Variants in SPDEF observed in about 807,000 individuals in gnomAD.
SPDEF encodes SAM pointed domain-containing Ets transcription factor.
A neutral mutation model predicts 36.0 loss-of-function variants in SPDEF; 12 were observed. The ratio of observed to expected loss-of-function variants is 0.33; its 90% CI spans 0.21 to 0.54. The LOEUF is 0.54. Ranked by LOEUF, SPDEF falls within the 20% of genes least tolerant of loss-of-function variation. The probability of loss-of-function intolerance (pLI) is 0.93; values close to 1 mark genes in which losing one functional copy is unlikely to be tolerated. For synonymous variants in SPDEF, 205 were observed against 193.0 expected (o/e 1.06, Z -0.51); for missense variants, 388 against 456.9 (o/e 0.85, Z 1.37).
Position 34,539,196 on chromosome 6 carries a change from C to T in SPDEF, c.829+54G>A. On this transcript the variant is annotated intron_variant, in intron 5 of 5. Transcript: ENST00000374037. The surrounding 1 kb of genome is among the most constrained non-coding windows in gnomAD (Gnocchi z 5.2). The stretch of plus-strand genomic sequence containing the variant: ...CCATGCACCGTGCCTGGCAGAAGCC[C>T]CCACAACCTCCATGCTCACTGGCCC... 2 of 1,599,552 alleles carry T rather than the reference C, an allele frequency of 1.3e-6. No individual in the cohort carries two copies. The highest frequency in any genetic ancestry group is 1.7e-6 in the Non-Finnish European group (2 of 1,172,034).
At position 34,539,479 on chromosome 6, in the gene SPDEF, G is replaced by A. The variant is rs754731900; in HGVS notation, c.682+36C>T. The A allele has an allele frequency of 1.9e-5, 27 of 1,431,444 alleles. No individual in the cohort carries two copies. The highest frequency in any genetic ancestry group is 7.1e-5 in the South Asian group (6 of 84,460). The allele number at this position is 1,431,444 out of a possible 1,614,324, so 88.7% of individuals were successfully genotyped here. On this transcript the variant is annotated intron_variant, in intron 4 of 5. Transcript: ENST00000374037. The surrounding 1 kb of genome is among the most constrained non-coding windows in gnomAD (Gnocchi z 5.2). ...TGGCAGCCACCCCTCCACCCCACCCGAGCCCCCGCCTCCACCCTGCCGCTG... is the reference window on the plus strand; with the variant it reads ...TGGCAGCCACCCCTCCACCCCACCCAAGCCCCCGCCTCCACCCTGCCGCTG...
At chr6:34,542,363 A>G (rs1767840640) in intron 2 of SPDEF, among the ~76,000 whole-genome samples, 3 of 152,228 alleles carry the variant, frequency 2.0e-5, no homozygotes, top group African/African-American at 4.8e-5. Flanking sequence ...CCCGCCACCC[A>G]CAGCATCAGC....
intron 1 of SPDEF, among the ~76,000 whole-genome samples, chr6:34,551,737 GCA>G (rs1768065928): frequency 1.3e-5 from 2 of 152,144 alleles, no homozygotes; most frequent in African/African-American, 4.8e-5. Context: ...TTCTGAAGAA[GCA>G]GAGCCAGCTT....
chr6:34,551,871 G>A (rs1768068771), intron 1 of SPDEF, among the ~76,000 whole-genome samples: 1 of 152,176 alleles, frequency 6.6e-6, no homozygotes, highest in South Asian at 2.1e-4. Flanking sequence ...CTTGCAGTGA[G>A]TCATGCTGAC....
chr6:34,540,336 G>T (rs1767789888), intron 3 of SPDEF, among the ~76,000 whole-genome samples: 1 of 151,840 alleles, frequency 6.6e-6, no homozygotes, highest in Non-Finnish European at 1.5e-5. Flanking sequence ...GGGCCACTGT[G>T]GACACGGACA....
intron 1 of SPDEF, among the ~76,000 whole-genome samples, chr6:34,546,110 A>G (rs528563210): frequency 1.7e-4 from 26 of 152,332 alleles, no homozygotes; most frequent in African/African-American, 6.3e-4. Flanking sequence ...GTGGTTCTCC[A>G]AATGTGCCGT....
chr6:34,543,958 C>G, intron 2 of SPDEF, 62 bp downstream of exon 2: 1 of 1,548,070 alleles, frequency 6.5e-7, no homozygotes, highest in South Asian at 1.2e-5. Flanking sequence ...CCGACCCACC[C>G]CAGCGACCTC....
intron 1 of SPDEF, among the ~76,000 whole-genome samples, chr6:34,553,757 G>A (rs1233032002): frequency 6.6e-6 from 1 of 152,040 alleles, no homozygotes; most frequent in Non-Finnish European, 1.5e-5. Flanking sequence ...GAGTGGGCGA[G>A]AGAGTGGAGT....
intron 2 of SPDEF, among the ~76,000 whole-genome samples, chr6:34,541,441 CA>C (rs1767821462): frequency 6.6e-6 from 1 of 152,192 alleles, no homozygotes; most frequent in Admixed American, 6.5e-5. Flanking sequence ...CCGCCTCACC[CA>C]GGCCTTGGGT....
In SPDEF at chr6:34,539,395, G is replaced by C. The variant is rs368064439; in HGVS notation, c.684C>G (p.Ala228=). Residue 228 remains alanine (A), a splice_region_variant and synonymous_variant, in exon 5 of 6, where the codon GCC becomes GCG. Transcript: ENST00000374037. This position sits in a 1 kb window ranked among gnomAD's most constrained non-coding sequence, Gnocchi z 5.2. ...CGGTCCAGCTCTCCTCACTGGTCGA[G>C]GCTGGGTGGCCAGGGAGGGTGGCGG... ...RTSPGAIHYC[A]STSEESWTDS... is the part of the protein sequence containing the mutation. The C allele has an allele frequency of 1.6e-5, 26 of 1,613,462 alleles. No individual in the cohort carries two copies. The highest frequency in any genetic ancestry group is 8.5e-6 in the Non-Finnish European group (10 of 1,179,998).
Position 34,555,103 on chromosome 6 carries a change from C to A in SPDEF, c.-30+826G>T, listed in dbSNP as rs895847833. Among the ~76,000 whole-genome samples, 2 of 151,422 alleles carry A rather than the reference C, an allele frequency of 1.3e-5. No homozygotes were observed. Among genetic ancestry groups the A allele is most frequent in the Non-Finnish European group, 3.0e-5 (2 of 67,784 alleles). On this transcript the variant is annotated intron_variant, in intron 1 of 5. Coordinates refer to ENST00000374037, the MANE Select transcript of SPDEF (RefSeq NM_012391.3). The surrounding 1 kb of genome is among the most constrained non-coding windows in gnomAD (Gnocchi z 5.2). The stretch of plus-strand genomic sequence containing the variant: ...AACACGCACGCGCACATGCACACAC[C>A]ACACACACACATACTTCCGCGCACA...
rs1028395204 is a variant in SPDEF at position 34,552,423 on chromosome 6, C to T, written c.-30+3506G>A. On this transcript the variant is annotated intron_variant, in intron 1 of 5. Transcript: ENST00000374037. The surrounding 1 kb of genome is among the most constrained non-coding windows in gnomAD (Gnocchi z 4.6). ...GCAGTGAAACAGGGACTCATAAAGA[C>T]AGCTGTGTGTCTGGATTTTGAAGTC... Among the ~76,000 whole-genome samples the T allele has an allele frequency of 2.0e-5, 3 of 152,210 alleles. No individual in the cohort carries two copies. Among genetic ancestry groups the T allele is most frequent in the African/African-American group, 7.2e-5 (3 of 41,464 alleles).
intron 1 of SPDEF, among the ~76,000 whole-genome samples, chr6:34,548,883 C>A (rs1768004225): frequency 6.6e-6 from 1 of 152,208 alleles, no homozygotes; most frequent in African/African-American, 2.4e-5. Flanking sequence ...ATGGTCCACC[C>A]ATGGGGACAC....
In SPDEF at chr6:34,539,682, T is replaced by C. The variant is rs1235266119; in HGVS notation, c.635-120A>G. 5 of 1,179,598 alleles carry C rather than the reference T, an allele frequency of 4.2e-6. No homozygotes were observed. The highest frequency in any genetic ancestry group is 6.2e-6 in the Non-Finnish European group (5 of 812,962). The allele number at this position is 1,179,598 out of a possible 1,614,324, so 73.1% of individuals were successfully genotyped here. A position where few individuals can be genotyped will look rare whatever the true frequency, so the allele number is the denominator to read the frequency against. ...CCTCTGTGGCTGGGGGTTGCCCCTGTGGCTCCCTGCCTCCTGCCAACCTGG... is the reference window on the plus strand; with the variant it reads ...CCTCTGTGGCTGGGGGTTGCCCCTGCGGCTCCCTGCCTCCTGCCAACCTGG... On this transcript the variant is annotated intron_variant, in intron 3 of 5. Transcript: ENST00000374037. The surrounding 1 kb of genome is among the most constrained non-coding windows in gnomAD (Gnocchi z 5.2).
chr6:34,541,857 G>C (rs1767829726), intron 2 of SPDEF, among the ~76,000 whole-genome samples: 1 of 150,860 alleles, frequency 6.6e-6, no homozygotes, highest in Non-Finnish European at 1.5e-5. Context: ...TGCTGCTCTG[G>C]GGTGAGCCTC....
At chr6:34,551,097 G>A (rs1480316642) in intron 1 of SPDEF, among the ~76,000 whole-genome samples, 5 of 152,328 alleles carry the variant, frequency 3.3e-5, no homozygotes, top group Admixed American at 1.3e-4. Context: ...CTGTCCATGC[G>A]TGAGTGAGCA....
chr6:34,548,208 G>C (rs531933017), intron 1 of SPDEF, among the ~76,000 whole-genome samples: 147 of 152,302 alleles, frequency 9.7e-4, no homozygotes, highest in African/African-American at 3.4e-3. Flanking sequence ...GGACAGTGAG[G>C]CTCAGGGAGG....
chr6:34,538,975 T>C lies in SPDEF; in HGVS notation c.829+275A>G, dbSNP rs1767753914. Among the ~76,000 whole-genome samples, 1 of 152,116 alleles carries C rather than the reference T, an allele frequency of 6.6e-6. No homozygotes were observed. The highest frequency in any genetic ancestry group is 2.1e-4 in the South Asian group (1 of 4,824). On this transcript the variant is annotated intron_variant, in intron 5 of 5. Transcript: ENST00000374037. The surrounding 1 kb of genome is among the most constrained non-coding windows in gnomAD (Gnocchi z 5.9). ...TCTGGCAGGATTAATTAATATGAGA[T>C]GGTGGAGGGAGAGTGGATTTGGAGC...
intron 2 of SPDEF, among the ~76,000 whole-genome samples, chr6:34,542,296 AG>A (rs1305032979): frequency 6.6e-6 from 1 of 152,224 alleles, no homozygotes; most frequent in East Asian, 1.9e-4. Context: ...GACATGGGTC[AG>A]GACTGCCTGA....
Sources: gnomAD v4.1 joint callset for allele counts (sites outside exome capture counted in the v4.1 genomes callset) on GRCh38, gnomAD v4.1.1 for gene constraint, Gnocchi (gnomAD v3.1) non-coding constraint, MANE v1.5 for transcripts, NCBI Gene and HGNC (gene_info 2026-07-23, HGNC 2026-07-21) for gene names.